ARMH3: variants seen among roughly 807,000 people sequenced by gnomAD.
The protein encoded by ARMH3 is armadillo-like helical domain-containing protein 3.
Under a neutral mutation model 99.1 loss-of-function variants are expected in ARMH3, and 60 were observed. The observed-to-expected ratio is 0.61, with a 90% CI of 0.49 to 0.75. The LOEUF (loss-of-function observed/expected upper bound fraction) is 0.75. Among genes scored for constraint, ARMH3 ranks in the 30% least tolerant of loss-of-function variants. The pLI is 0.00. For missense variants in ARMH3, 679 were observed against 843.1 expected (o/e 0.81, Z 2.41); for synonymous variants, 285 against 292.8 (o/e 0.97, Z 0.27).
At chr10:101,899,720 T>C (rs1486222323) in intron 23 of ARMH3, among the ~76,000 whole-genome samples, 2 of 152,228 alleles carry the variant, frequency 1.3e-5, no homozygotes, top group Non-Finnish European at 2.9e-5. Flanking sequence ...CATCAGCAAC[T>C]GACCTGTTAG....
intron 23 of ARMH3, among the ~76,000 whole-genome samples, chr10:101,905,344 G>T (rs535204216): frequency 2.6e-5 from 4 of 152,178 alleles, no homozygotes; most frequent in African/African-American, 9.7e-5. Context: ...CAGGAATTAC[G>T]GAAGTAAAAA....
chr10:102,014,518 G>A (rs2066700871), intron 8 of ARMH3, among the ~76,000 whole-genome samples: 1 of 152,252 alleles, frequency 6.6e-6, no homozygotes, highest in African/African-American at 2.4e-5. Context: ...TACATGCAAG[G>A]ACTGATTCAC....
intron 24 of ARMH3, among the ~76,000 whole-genome samples, chr10:101,863,281 C>A (rs936841702): frequency 3.4e-4 from 52 of 152,164 alleles, no homozygotes; most frequent in African/African-American, 1.2e-3. Context: ...AACTTAAAAA[C>A]AAGAAATAGT....
intron 17 of ARMH3, 47 bp downstream of exon 17, chr10:101,993,491 C>CA (rs763262486): frequency 2.6e-5 from 37 of 1,448,030 alleles, no homozygotes; most frequent in Non-Finnish European, 3.3e-5. Flanking sequence ...TGCCGACATA[C>CA]AAAAAATTTC....
chr10:101,878,410 G>A (rs2067321843), intron 24 of ARMH3, among the ~76,000 whole-genome samples: 1 of 151,800 alleles, frequency 6.6e-6, no homozygotes, highest in Non-Finnish European at 1.5e-5. Context: ...CAAAGCAGAA[G>A]AACTGCTTGA....
At chr10:101,935,196 T>TATATATATATATATATAC (rs1843907895) in intron 23 of ARMH3, among the ~76,000 whole-genome samples, 1 of 147,612 alleles carries the variant, frequency 6.8e-6, no homozygotes, top group East Asian at 2.1e-4. Flanking sequence ...TATATATATA[T>TATATATATATATATATAC]ATACATTTTT....
At chr10:102,039,857 C>T (rs2067366578) in intron 2 of ARMH3, among the ~76,000 whole-genome samples, 156 bp downstream of exon 2, 1 of 152,222 alleles carries the variant, frequency 6.6e-6, no homozygotes, top group Non-Finnish European at 1.5e-5. Context: ...AATCTCTACT[C>T]TGACAGCTTT....
chr10:101,876,282 A>G (rs1291546605), intron 24 of ARMH3, among the ~76,000 whole-genome samples: 1 of 146,770 alleles, frequency 6.8e-6, no homozygotes, highest in African/African-American at 2.5e-5. Context: ...CTTATTTTCT[A>G]TGGCTTGTTG....
intron 23 of ARMH3, among the ~76,000 whole-genome samples, chr10:101,931,440 G>A (rs575964407): frequency 6.0e-5 from 9 of 151,070 alleles, no homozygotes; most frequent in Admixed American, 2.6e-4. Context: ...CAGGAGAATC[G>A]CTTGAACCCA....
intron 20 of ARMH3, among the ~76,000 whole-genome samples, chr10:101,969,593 G>A (rs1042406535): frequency 1.3e-5 from 2 of 152,190 alleles, no homozygotes; most frequent in Non-Finnish European, 2.9e-5. Context: ...GATCCAGAAC[G>A]CTGTGATACT....
intron 24 of ARMH3, among the ~76,000 whole-genome samples, chr10:101,881,201 T>C (rs2067407681): frequency 6.6e-6 from 1 of 152,202 alleles, no homozygotes; most frequent in South Asian, 2.1e-4. Context: ...AGTGGAGACT[T>C]AAACTTAGGA....
chr10:101,957,195 T>C (rs186404849), intron 21 of ARMH3, among the ~76,000 whole-genome samples: 18 of 152,312 alleles, frequency 1.2e-4, no homozygotes, highest in East Asian at 1.2e-3. Context: ...TAAGAACACA[T>C]TGTATAATAT....
intron 5 of ARMH3, among the ~76,000 whole-genome samples, chr10:102,027,813 C>A (rs969044595): frequency 2.0e-5 from 3 of 151,484 alleles, no homozygotes; most frequent in African/African-American, 7.3e-5. Flanking sequence ...ATATTAATAA[C>A]TTTTTTTGTA....
At chr10:101,895,296 T>C (rs905417847) in intron 23 of ARMH3, among the ~76,000 whole-genome samples, 23 of 150,920 alleles carry the variant, frequency 1.5e-4, no homozygotes, top group African/African-American at 4.1e-4. Context: ...TTTTTTTTTT[T>C]CGAGAGGGCG....
At chr10:102,011,691 T>C (rs1345993968) in intron 11 of ARMH3, 32 bp downstream of exon 11, 7 of 1,571,024 alleles carry the variant, frequency 4.5e-6, no homozygotes, top group Non-Finnish European at 6.1e-6. Context: ...GTTTCTGTTT[T>C]TTTCAGGAGA....
rs74727252 is a variant in ARMH3, at chr10:101,887,884, T to C, written c.1860+1528A>G. Among the ~76,000 whole-genome samples, 27 of 152,076 alleles carry C rather than the reference T, an allele frequency of 1.8e-4. No individual in the cohort carries two copies. In the East Asian group the frequency reaches 4.8e-3, roughly 27 times the overall value. On this transcript the variant is annotated intron_variant, in intron 24 of 25. Transcript: ENST00000370033. ...TCATTTCATTTAACTTTGAAAGAAG[T>C]TGGAGGAGGCTGAGGACACGTGCTT...
At chr10:101,889,380 A>G (rs2135442096) in intron 24 of ARMH3, 32 bp downstream of exon 24, 1 of 1,575,870 alleles carries the variant, frequency 6.3e-7, no homozygotes, top group East Asian at 2.2e-5. Context: ...CCTAGCCACC[A>G]ACTAGGTCAT....
At chr10:101,922,944 T>C (rs1843360514) in intron 23 of ARMH3, among the ~76,000 whole-genome samples, 1 of 152,154 alleles carries the variant, frequency 6.6e-6, no homozygotes, top group African/African-American at 2.4e-5. Context: ...GAAATTAATG[T>C]CCTTCGGTAC....
chr10:101,847,412 C>G lies in ARMH3; in HGVS notation c.*116G>C. 9.7e-7 allele frequency: 1 copy of G among 1,033,636 alleles called. No individual in the cohort carries two copies. 64.0% of individuals were successfully genotyped at this position (1,033,636 alleles called of 1,614,324 possible). ...TGAAGTGCGGTCTTCACCAAGAGAA[C>G]TTGGTATCTGTGTTTCTCTCCAACC... On this transcript the variant is annotated 3_prime_UTR_variant, in exon 26 of 26. Transcript: ENST00000370033.
Sources: gnomAD v4.1 joint callset for allele counts (sites outside exome capture counted in the v4.1 genomes callset) on GRCh38, gnomAD v4.1.1 for gene constraint, MANE v1.5 for transcripts, NCBI Gene and HGNC (gene_info 2026-07-23, HGNC 2026-07-21) for gene names.